Variants in PDE4D observed in about 807,000 individuals in gnomAD.
PDE4D encodes 3',5'-cyclic-AMP phosphodiesterase 4D.
In PDE4D, 24 loss-of-function variants were observed where a neutral mutation model predicts 87.4. That is an observed-to-expected ratio of 0.27 (90% CI 0.20 to 0.39). PDE4D has a LOEUF of 0.39. Among genes scored for constraint, PDE4D ranks in the 10% least tolerant of loss-of-function variants. The probability of loss-of-function intolerance (pLI) is 1.00; values close to 1 mark genes in which losing one functional copy is unlikely to be tolerated. For synonymous variants in PDE4D, 384 were observed against 383.2 expected (o/e 1.00, Z -0.02); for missense variants, 714 against 1,041.0 (o/e 0.69, Z 4.32).
At chr5:59,936,178 G>A (rs1023231778) in intron 3 of PDE4D, among the ~76,000 whole-genome samples, 5 of 152,138 alleles carry the variant, frequency 3.3e-5, no homozygotes, top group East Asian at 3.9e-4. Flanking sequence ...ACATGGACAC[G>A]GGAAGGGGAA....
chr5:60,436,162 T>A (rs1744743881), intron 1 of PDE4D, among the ~76,000 whole-genome samples: 1 of 152,108 alleles, frequency 6.6e-6, no homozygotes. Context: ...AGTTTTCTGG[T>A]TCTGCTGTTA....
rs1373498515 is a variant in PDE4D at position 59,616,897 on chromosome 5, ATTAC to A, written c.455+276267_455+276270del. On this transcript the variant is annotated intron_variant, in intron 1 of 14. Transcript: ENST00000340635. ...GATAGTGAAGGGTTTAACTTTGTGT[ATTAC>A]TTAGACCTAATAATTACATATATAT... Among the ~76,000 whole-genome samples, 18 of 133,978 alleles carry A rather than the reference ATTAC, an allele frequency of 1.3e-4. 1 individual carries two copies. The highest frequency in any genetic ancestry group is 4.6e-4 in the African/African-American group (17 of 36,988). 87.9% of individuals were successfully genotyped at this position (133,978 alleles called of 152,430 possible).
chr5:59,643,870 T>G (rs1005771205), intron 1 of PDE4D, among the ~76,000 whole-genome samples: 1 of 152,234 alleles, frequency 6.6e-6, no homozygotes, highest in African/African-American at 2.4e-5. Flanking sequence ...TAAGAAATTG[T>G]AATTCACTAA....
At chr5:59,296,772 A>AACACAC (rs10560642) in intron 1 of PDE4D, among the ~76,000 whole-genome samples, 1 of 149,952 alleles carries the variant, frequency 6.7e-6, no homozygotes, top group Non-Finnish European at 1.5e-5. Context: ...AGAAATTAGT[A>AACACAC]ACACACACAC....
At chr5:59,830,041 A>C (rs1418119150) in intron 1 of PDE4D, among the ~76,000 whole-genome samples, 3 of 152,074 alleles carry the variant, frequency 2.0e-5, no homozygotes, top group African/African-American at 4.8e-5. Flanking sequence ...GTCCCTATTT[A>C]GTTACCAGAC....
exon 3 of PDE4D, chr5:59,988,637 A>G: frequency 6.3e-7 from 1 of 1,599,362 alleles, no homozygotes; most frequent in Non-Finnish European, 8.5e-7. Flanking sequence ...TGCGACATGA[A>G]AGTCTCCGGA....
At chr5:59,610,057 C>G (rs904762088) in intron 1 of PDE4D, among the ~76,000 whole-genome samples, 1 of 152,124 alleles carries the variant, frequency 6.6e-6, no homozygotes, top group Non-Finnish European at 1.5e-5. Flanking sequence ...CTAGATACAA[C>G]AGAGAACATT....
In PDE4D at chr5:59,488,804, T is replaced by C. The variant is rs575395421; in HGVS notation, c.456-272836A>G. On this transcript the variant is annotated intron_variant, in intron 1 of 14. Coordinates refer to ENST00000340635, the MANE Select transcript of PDE4D (RefSeq NM_001104631.2). ...ATGTATTTTCATGGTAAAATATTGT[T>C]GGATGTATTAGGATTGGCGGTTTAG... is the stretch of plus-strand genomic sequence containing the variant. Among the ~76,000 whole-genome samples, 170 of 152,108 alleles carry C rather than the reference T, an allele frequency of 1.1e-3. 1 individual carries two copies. The highest frequency in any genetic ancestry group is 3.9e-3 in the African/African-American group (163 of 41,500).
chr5:59,892,739 G>A (rs752707081), intron 1 of PDE4D, among the ~76,000 whole-genome samples: 1 of 152,100 alleles, frequency 6.6e-6, no homozygotes, highest in Non-Finnish European at 1.5e-5. Context: ...CAGATGCTGG[G>A]TGCTTTCGCT....
At chr5:60,107,920 C>G (rs1270484484) in intron 2 of PDE4D, among the ~76,000 whole-genome samples, 1 of 152,146 alleles carries the variant, frequency 6.6e-6, no homozygotes, top group Non-Finnish European at 1.5e-5. Flanking sequence ...TGGGCAAAAA[C>G]TAGAATCATT....
At chr5:59,464,796 A>G (rs1801323689) in intron 1 of PDE4D, among the ~76,000 whole-genome samples, 1 of 152,210 alleles carries the variant, frequency 6.6e-6, no homozygotes, top group Non-Finnish European at 1.5e-5. Context: ...ATAATGTGAT[A>G]AAAACACACC....
chr5:59,549,605 A>G (rs1221637356), intron 1 of PDE4D, among the ~76,000 whole-genome samples: 1 of 152,200 alleles, frequency 6.6e-6, no homozygotes, highest in African/African-American at 2.4e-5. Flanking sequence ...ATGAAAATAT[A>G]TATAACCTAT....
chr5:59,961,135 T>G (rs181954756), intron 3 of PDE4D, among the ~76,000 whole-genome samples: 31 of 152,224 alleles, frequency 2.0e-4, no homozygotes, highest in African/African-American at 7.5e-4. Flanking sequence ...TCACCCGGAA[T>G]AAGAATGTAA....
At chr5:60,087,795 A>G (rs1774695215) in intron 2 of PDE4D, among the ~76,000 whole-genome samples, 1 of 152,126 alleles carries the variant, frequency 6.6e-6, no homozygotes, top group Non-Finnish European at 1.5e-5. Context: ...AATTTCCAAC[A>G]GATATTATGT....
intron 1 of PDE4D, among the ~76,000 whole-genome samples, chr5:59,572,395 T>A (rs1583173443): frequency 6.7e-6 from 1 of 148,718 alleles, no homozygotes; most frequent in East Asian, 1.9e-4. Flanking sequence ...ATACTATCTA[T>A]TTTATTATAC....
chr5:59,590,508 A>C (rs1244888346), intron 1 of PDE4D, among the ~76,000 whole-genome samples: 1 of 152,048 alleles, frequency 6.6e-6, no homozygotes. Context: ...CTCTGTCTCT[A>C]AAAAAATTAA....
At chr5:59,276,901 T>C (rs1947090) in intron 1 of PDE4D, among the ~76,000 whole-genome samples, 37,116 of 151,918 alleles carry the variant, frequency 0.24, 4,865 homozygotes, top group Admixed American at 0.36. Flanking sequence ...CTGATTCCAA[T>C]TGCTCCCAAC....
chr5:59,336,785 G>A (rs971827362), intron 1 of PDE4D, among the ~76,000 whole-genome samples: 8 of 151,680 alleles, frequency 5.3e-5, no homozygotes, highest in South Asian at 2.1e-4. Context: ...TTTCTTCTAC[G>A]GCCTTCTCCA....
At chr5:59,826,169 C>G (rs935380599) in intron 1 of PDE4D, among the ~76,000 whole-genome samples, 4 of 152,146 alleles carry the variant, frequency 2.6e-5, no homozygotes, top group African/African-American at 9.7e-5. Flanking sequence ...ATGATTCTCT[C>G]TCCAGTGCAA....
Sources: allele counts gnomAD v4.1 joint callset (sites outside exome capture counted in the v4.1 genomes callset), GRCh38; gene constraint gnomAD v4.1.1; transcripts MANE v1.5; gene names NCBI Gene and HGNC (gene_info 2026-07-23, HGNC 2026-07-21).